Variants in TBCD observed in about 807,000 individuals in gnomAD.
TBCD encodes the protein tubulin-specific chaperone D.
A neutral mutation model predicts 169.3 loss-of-function variants in TBCD; 105 were observed. The observed-to-expected ratio is 0.62, with a 90% CI of 0.53 to 0.73. The LOEUF is 0.73. TBCD is among the 30% of genes least tolerant of loss of function. The pLI is 0.00. For synonymous variants in TBCD, 700 were observed against 643.9 expected (o/e 1.09, Z -1.32); for missense variants, 1,444 against 1,600.1 (o/e 0.90, Z 1.66).
At chr17:82,759,454 C>T (rs1236656429) in intron 2 of TBCD, among the ~76,000 whole-genome samples, 1 of 152,096 alleles carries the variant, frequency 6.6e-6, no homozygotes, top group African/African-American at 2.4e-5. Context: ...CCACTGCACT[C>T]CAGCGTGGGC....
intron 34 of TBCD, 58 bp from the exon 35 acceptor site, chr17:82,937,211 AGT>A: frequency 1.3e-6 from 2 of 1,498,416 alleles, no homozygotes; most frequent in Non-Finnish European, 9.3e-7. Flanking sequence ...AGACAGAAAA[AGT>A]GTGCATCCCG....
At position 82,906,066 on chromosome 17, in the gene TBCD, G is replaced by C; in HGVS notation, c.1922+13G>C. On this transcript the variant is annotated intron_variant, in intron 20 of 38. Coordinates refer to ENST00000355528, the MANE Select transcript of TBCD (RefSeq NM_005993.5). ...CCCAAGAGAACAGGTAGGAAGAGTGGGTCTCGAGGAGACACAGGGCTCTGT... is the reference window on the plus strand; with the variant it reads ...CCCAAGAGAACAGGTAGGAAGAGTGCGTCTCGAGGAGACACAGGGCTCTGT... The C allele has an allele frequency of 6.3e-7, 1 of 1,579,892 alleles. No homozygotes were observed. The highest frequency in any genetic ancestry group is 8.6e-7 in the Non-Finnish European group (1 of 1,158,576).
chr17:82,924,279 C>T (rs1312203665), intron 26 of TBCD, among the ~76,000 whole-genome samples: 1 of 152,122 alleles, frequency 6.6e-6, no homozygotes, highest in Non-Finnish European at 1.5e-5. Flanking sequence ...TTTGTATGCA[C>T]CGTGACATTT....
At chr17:82,882,030 G>A (rs2058392412) in intron 14 of TBCD, among the ~76,000 whole-genome samples, 1 of 152,118 alleles carries the variant, frequency 6.6e-6, no homozygotes, top group Non-Finnish European at 1.5e-5. Context: ...CCAACCTTTG[G>A]CCTCTCCTGG....
chr17:82,841,229 AC>A (rs1319796567), intron 13 of TBCD, among the ~76,000 whole-genome samples: 5 of 151,898 alleles, frequency 3.3e-5, no homozygotes, highest in Admixed American at 2.6e-4. Context: ...GGTGTGAGCC[AC>A]TGCACCCGGT....
intron 26 of TBCD, among the ~76,000 whole-genome samples, chr17:82,924,645 C>T (rs375435296): frequency 8.5e-4 from 129 of 152,314 alleles, no homozygotes; most frequent in Middle Eastern, 6.8e-3. Flanking sequence ...TGGTGGCACA[C>T]ACCTGTAATC....
intron 17 of TBCD, among the ~76,000 whole-genome samples, chr17:82,895,229 C>T (rs566835951): frequency 3.3e-5 from 5 of 152,366 alleles, no homozygotes; most frequent in South Asian, 2.1e-4. Flanking sequence ...CTTGTGAGGA[C>T]GCACCGGCAG....
rs2063410143 is a variant in TBCD, at chr17:82,942,501, G to A, written c.*38G>A. 4 of 1,613,934 alleles carry A rather than the reference G, an allele frequency of 2.5e-6. No individual in the cohort carries two copies. The South Asian group carries it at 3.3e-5, about 13-fold the overall frequency. ...AGCCCATACCTCACCCCTGCCTGGT[G>A]AGGATGTCTTGTTCCTGAGGGAGGC... is the stretch of plus-strand genomic sequence containing the variant. On this transcript the variant is annotated 3_prime_UTR_variant, in exon 39 of 39. Coordinates refer to ENST00000355528, the MANE Select transcript of TBCD (RefSeq NM_005993.5).
At chr17:82,887,349 G>A (rs75345813) in intron 15 of TBCD, among the ~76,000 whole-genome samples, 4,589 of 152,132 alleles carry the variant, frequency 0.03, 248 homozygotes, top group African/African-American at 0.1. Context: ...CCACCGGTCG[G>A]CTCTCCGTTG....
chr17:82,761,902 T>A (rs989621872), intron 2 of TBCD, among the ~76,000 whole-genome samples: 1 of 151,620 alleles, frequency 6.6e-6, no homozygotes, highest in Non-Finnish European at 1.5e-5. Flanking sequence ...ATTTTTTTTT[T>A]ATTTTTAGTA....
rs898817325 is a variant in TBCD, at chr17:82,922,050, G to T, written c.2178+473G>T. 1.3e-5 allele frequency among the ~76,000 whole-genome samples: 2 copies of T among 152,114 alleles called. No homozygotes were observed. Among genetic ancestry groups the T allele is most frequent in the Non-Finnish European group, 1.5e-5 (1 of 68,022 alleles). ...CCTGCCCTCCCCTCCCGTCCTGGGG[G>T]TTACAGGTGGACTTTGGACTCACAG... is the stretch of plus-strand genomic sequence containing the variant. On this transcript the variant is annotated intron_variant, in intron 25 of 38. Coordinates refer to ENST00000355528, the MANE Select transcript of TBCD (RefSeq NM_005993.5). This position sits in a 1 kb window ranked among gnomAD's most constrained non-coding sequence, Gnocchi z 4.1.
intron 13 of TBCD, among the ~76,000 whole-genome samples, chr17:82,846,314 TCCAGCGTGCCGTGTCCTCTCGTCCAGC>T: frequency 6.8e-5 from 10 of 147,488 alleles, no homozygotes; most frequent in Admixed American, 2.7e-4. Flanking sequence ...ACGTGCTGCG[TCCAGCGTGCCGTGTCCTCTCGTCCAGC>T]CCTCTGCTGC....
chr17:82,818,952 G>T (rs528815145), intron 13 of TBCD, among the ~76,000 whole-genome samples: 1 of 152,140 alleles, frequency 6.6e-6, no homozygotes, highest in Admixed American at 6.5e-5. Flanking sequence ...CAGCTACTCG[G>T]GAGGCTGAGG....
intron 13 of TBCD, chr17:82,859,468 C>T: frequency 1.2e-6 from 1 of 868,870 alleles, no homozygotes; most frequent in Non-Finnish European, 1.4e-6. Context: ...CCTGCCAGCT[C>T]TGTGTCCTCC....
chr17:82,900,675 G>C lies in TBCD; in HGVS notation c.1674G>C (p.Glu558Asp), dbSNP rs773861220. 6 of 1,614,002 alleles carry C rather than the reference G, an allele frequency of 3.7e-6. No homozygotes were observed. In the East Asian group the frequency reaches 1.3e-4, roughly 36 times the overall value. ...VISVFIAGFPEYTQPMIDHLV... is the reference protein window; with the variant it reads ...VISVFIAGFPDYTQPMIDHLV... ...GTGTGTTTATTGCCGGCTTTCCTGA[G>C]TACACGCAGCCAATGATAGACCACC... Residue 558 changes from glutamate to aspartate, a missense_variant, in exon 18 of 39, where the codon GAG becomes GAC. By Grantham distance (45) the Glu-to-Asp change is conservative. Coordinates refer to ENST00000355528, the MANE Select transcript of TBCD (RefSeq NM_005993.5).
At chr17:82,754,002 G>T (rs143462942) in intron 1 of TBCD, among the ~76,000 whole-genome samples, 2,406 of 150,190 alleles carry the variant, frequency 0.016, 63 homozygotes, top group African/African-American at 0.055. Context: ...TCAGCCTCCC[G>T]AGTAGCTGGG....
chr17:82,930,336 T>G lies in TBCD; in HGVS notation c.2992-186T>G. On this transcript the variant is annotated intron_variant, in intron 32 of 38. Transcript: ENST00000355528. This position sits in a 1 kb window ranked among gnomAD's most constrained non-coding sequence, Gnocchi z 5.2. ...CCGTTGCCGAGAGCCTTGTGTCTGC[T>G]TCGGGTGTCTGCACTGTGAGTGGCT... The G allele has an allele frequency of 1.3e-6, 1 of 752,408 alleles. No individual in the cohort carries two copies. Among genetic ancestry groups the G allele is most frequent in the South Asian group, 2.0e-5 (1 of 50,496 alleles). The allele number at this position is 752,408 out of a possible 1,614,324, so 46.6% of individuals were successfully genotyped here.
intron 14 of TBCD, among the ~76,000 whole-genome samples, chr17:82,878,989 A>G (rs74000151): frequency 6.7e-6 from 1 of 150,110 alleles, no homozygotes; most frequent in African/African-American, 2.4e-5. Flanking sequence ...ATTGTTATTA[A>G]TGTTGCTCAA....
At chr17:82,795,712 A>G (rs772185421) in intron 7 of TBCD, 21 of 654,662 alleles carry the variant, frequency 3.2e-5, no homozygotes, top group Admixed American at 1.3e-4. Flanking sequence ...GTGGCCTCGC[A>G]GGGTGGGGTG....
Sources: gnomAD v4.1 joint callset for allele counts (sites outside exome capture counted in the v4.1 genomes callset) on GRCh38, gnomAD v4.1.1 for gene constraint, Gnocchi (gnomAD v3.1) non-coding constraint, MANE v1.5 for transcripts, NCBI Gene and HGNC (gene_info 2026-07-23, HGNC 2026-07-21) for gene names.